Variants in PDE10A observed in about 807,000 individuals in gnomAD.
PDE10A encodes cAMP and cAMP-inhibited cGMP 3',5'-cyclic phosphodiesterase 10A.
In PDE10A, 39 loss-of-function variants were observed where a neutral mutation model predicts 97.7. The observed-to-expected ratio is 0.40, with a 90% CI of 0.31 to 0.52. The LOEUF is 0.52. Among genes scored for constraint, PDE10A ranks in the 20% least tolerant of loss-of-function variants. The pLI is 0.56. For synonymous variants in PDE10A, 371 were observed against 376.8 expected, an observed-to-expected ratio of 0.98 and a Z score of 0.18; for missense variants, 731 against 1,047.8, an observed-to-expected ratio of 0.70 and a Z score of 4.17.
intron 1 of PDE10A, among the ~76,000 whole-genome samples, chr6:165,611,631 C>G (rs1469031373): frequency 1.3e-5 from 2 of 152,252 alleles, no homozygotes; most frequent in Admixed American, 1.3e-4. Context: ...CAATTGCCTG[C>G]TAGCCTATCA....
intron 1 of PDE10A, among the ~76,000 whole-genome samples, chr6:165,946,367 C>T (rs377704017): frequency 3.3e-5 from 5 of 151,982 alleles, no homozygotes; most frequent in Non-Finnish European, 7.4e-5. Flanking sequence ...TGCTGGCATG[C>T]GCCTGTAGTC....
chr6:165,556,313 A>G (rs7760078), intron 1 of PDE10A, among the ~76,000 whole-genome samples: 23,308 of 152,122 alleles, frequency 0.15, 3,004 homozygotes, highest in African/African-American at 0.35. Context: ...AGCTTACACA[A>G]AACAGTCAAT....
At chr6:165,451,898 T>C (rs1791321287) in intron 3 of PDE10A, among the ~76,000 whole-genome samples, 2 of 152,206 alleles carry the variant, frequency 1.3e-5, no homozygotes, top group African/African-American at 2.4e-5. Flanking sequence ...TTGGGTTCAG[T>C]ATGCTAGTGC....
chr6:165,661,825 C>T lies in PDE10A; in HGVS notation c.865+122G>A. ...CTCCAGAGAAGCCCCCTGGGCGCTC[C>T]ACGCCCGGGCACGGGCACCTCGCTC... On this transcript the variant is annotated intron_variant, in intron 1 of 21. Coordinates refer to ENST00000539869, the MANE Select transcript of PDE10A (RefSeq NM_001385079.1). The surrounding 1 kb of genome is among the most constrained non-coding windows in gnomAD (Gnocchi z 4.8). 2 of 576,868 alleles carry T rather than the reference C, an allele frequency of 3.5e-6. No individual in the cohort carries two copies. The highest frequency in any genetic ancestry group is 6.4e-6 in the Non-Finnish European group (2 of 313,738). 35.7% of individuals were successfully genotyped at this position (576,868 alleles called of 1,614,324 possible).
At chr6:165,774,599 T>C (rs2128460513) in intron 1 of PDE10A, among the ~76,000 whole-genome samples, 1 of 147,724 alleles carries the variant, frequency 6.8e-6, no homozygotes, top group South Asian at 2.1e-4. Flanking sequence ...GTATATAGTA[T>C]ATAAAAGTAT....
At position 165,823,033 on chromosome 6, in the gene PDE10A, C is replaced by T. The variant is rs369238965; in HGVS notation, c.-615+164496G>A. Among the ~76,000 whole-genome samples, 1,406 of 151,828 alleles carry T rather than the reference C, an allele frequency of 9.3e-3. 29 individuals are homozygous for T. Among genetic ancestry groups the T allele is most frequent in the African/African-American group, 0.032 (1,329 of 41,388 alleles). On this transcript the variant is annotated intron_variant, in intron 1 of 19. Coordinates refer to the PDE10A transcript ENST00000366882. Reference sequence around the variant, plus strand: ...ATTTTTAGTAGAGATGGGGTTTCACCGTGTTAGCCAGGATGGTCTCAATCT... The same window carrying T: ...ATTTTTAGTAGAGATGGGGTTTCACTGTGTTAGCCAGGATGGTCTCAATCT...
intron 1 of PDE10A, among the ~76,000 whole-genome samples, chr6:165,844,819 C>A (rs1470274624): frequency 6.6e-6 from 1 of 152,186 alleles, no homozygotes; most frequent in African/African-American, 2.4e-5. Flanking sequence ...TCCTAATCTT[C>A]AGTACAAACC....
At chr6:165,743,088 G>A (rs893411573) in intron 1 of PDE10A, among the ~76,000 whole-genome samples, 5 of 152,134 alleles carry the variant, frequency 3.3e-5, no homozygotes, top group African/African-American at 1.2e-4. Flanking sequence ...GCTGGCATTC[G>A]TCGCTAGTGG....
Position 165,983,543 on chromosome 6 carries a change from C to T in PDE10A, c.-615+3986G>A, listed in dbSNP as rs192534642. 6.3e-4 allele frequency among the ~76,000 whole-genome samples: 96 copies of T among 152,338 alleles called. 1 individual carries two copies. Among genetic ancestry groups the T allele is most frequent in the African/African-American group, 2.2e-3 (92 of 41,586 alleles). On this transcript the variant is annotated intron_variant, in intron 1 of 19. Transcript: ENST00000366882. Reference sequence around the variant, plus strand: ...ACTTCAAGTCAAACCAGCCTGCCAACGTGCCATCTTAAAATCATTGACTAC... The same window carrying T: ...ACTTCAAGTCAAACCAGCCTGCCAATGTGCCATCTTAAAATCATTGACTAC...
intron 18 of PDE10A, among the ~76,000 whole-genome samples, chr6:165,357,167 T>G (rs1783080604): frequency 6.6e-6 from 1 of 152,190 alleles, no homozygotes; most frequent in Non-Finnish European, 1.5e-5. Flanking sequence ...TTCATTCTGT[T>G]GTGGTGAATT....
intron 2 of PDE10A, among the ~76,000 whole-genome samples, chr6:165,484,021 C>T (rs1779755946): frequency 3.3e-5 from 5 of 152,314 alleles, no homozygotes; most frequent in Admixed American, 1.3e-4. Context: ...CCCTTAGGAG[C>T]TGATTTAGAA....
intron 18 of PDE10A, among the ~76,000 whole-genome samples, chr6:165,373,760 T>C (rs1270114771): frequency 6.6e-6 from 1 of 152,142 alleles, no homozygotes; most frequent in Non-Finnish European, 1.5e-5. Context: ...TAAATCATGC[T>C]GCTGTAAAGA....
chr6:165,361,162 G>C (rs1783395637), intron 18 of PDE10A, among the ~76,000 whole-genome samples: 1 of 152,136 alleles, frequency 6.6e-6, no homozygotes, highest in African/African-American at 2.4e-5. Context: ...CGTTCATCAA[G>C]GTTTCAAGAT....
intron 1 of PDE10A, among the ~76,000 whole-genome samples, chr6:165,564,844 C>T (rs566866070): frequency 6.6e-6 from 1 of 152,258 alleles, no homozygotes; most frequent in South Asian, 2.1e-4. Flanking sequence ...ACTAACTATT[C>T]CTCTCCAATA....
intron 1 of PDE10A, among the ~76,000 whole-genome samples, chr6:165,675,861 G>C (rs1790780364): frequency 6.6e-6 from 1 of 152,134 alleles, no homozygotes; most frequent in Non-Finnish European, 1.5e-5. Flanking sequence ...AAGAACCAAA[G>C]TATAACTAAT....
At chr6:165,717,981 T>A (rs1200528070) in intron 1 of PDE10A, among the ~76,000 whole-genome samples, 2 of 152,238 alleles carry the variant, frequency 1.3e-5, no homozygotes, top group African/African-American at 4.8e-5. Context: ...ATTCTTTGCA[T>A]AAGCTGCATA....
rs574926118 is a variant in PDE10A, at chr6:165,697,007, T to C, written c.-614-153439A>G. 1.1e-4 allele frequency among the ~76,000 whole-genome samples: 16 copies of C among 151,978 alleles called. No homozygotes were observed. The South Asian group carries it at 2.7e-3, about 26-fold the overall frequency. On this transcript the variant is annotated intron_variant, in intron 1 of 19. Coordinates refer to the PDE10A transcript ENST00000366882. ...GCTAGCTGAAGAACAGAGAGAAGAA[T>C]AGAAAAAAGAAAAATGAACAGAGCC... is the stretch of plus-strand genomic sequence containing the variant.
At chr6:165,469,873 A>G (rs779589815) in intron 3 of PDE10A, among the ~76,000 whole-genome samples, 3 of 152,176 alleles carry the variant, frequency 2.0e-5, no homozygotes, top group Non-Finnish European at 4.4e-5. Flanking sequence ...GACCATTCAA[A>G]GCCCACCACT....
intron 1 of PDE10A, among the ~76,000 whole-genome samples, chr6:165,715,719 C>A: frequency 6.6e-6 from 1 of 152,192 alleles, no homozygotes; most frequent in East Asian, 1.9e-4. Context: ...AAGAAGACAG[C>A]ATGTTACCTG....
Sources: gnomAD v4.1 joint callset for allele counts (sites outside exome capture counted in the v4.1 genomes callset) on GRCh38, gnomAD v4.1.1 for gene constraint, Gnocchi (gnomAD v3.1) non-coding constraint, MANE v1.5 for transcripts, NCBI Gene and HGNC (gene_info 2026-07-23, HGNC 2026-07-21) for gene names.